EML5: variants seen among roughly 807,000 people sequenced by gnomAD.
EML5 encodes the protein echinoderm microtubule-associated protein-like 5.
A neutral mutation model predicts 250.0 loss-of-function variants in EML5; 120 were observed. The ratio of observed to expected loss-of-function variants is 0.48; its 90% confidence interval spans 0.41 to 0.56. The LOEUF is 0.56. Ranked by LOEUF, EML5 falls within the 20% of genes least tolerant of loss-of-function variation. The probability of loss-of-function intolerance (pLI) is 0.00; values close to 1 mark genes in which losing one functional copy is unlikely to be tolerated. For missense variants in EML5, 2,006 were observed against 2,437.6 expected (o/e 0.82, Z 3.73); for synonymous variants, 771 against 806.5 (o/e 0.96, Z 0.75).
chr14:88,677,562 A>C (rs532968613), intron 21 of EML5, among the ~76,000 whole-genome samples: 2 of 152,248 alleles, frequency 1.3e-5, no homozygotes, highest in Non-Finnish European at 2.9e-5. Context: ...CATCTGACAA[A>C]GGTCTAATAT....
chr14:88,740,978 T>C (rs915297485), intron 4 of EML5, among the ~76,000 whole-genome samples: 3 of 151,954 alleles, frequency 2.0e-5, no homozygotes, highest in African/African-American at 7.2e-5. Flanking sequence ...GCCTGGCCAA[T>C]ATGGCGAAGT....
rs78994869 is a variant in EML5, at chr14:88,711,819, C to T, written c.1657+452G>A. On this transcript the variant is annotated intron_variant, in intron 10 of 43. Coordinates refer to ENST00000554922, the MANE Select transcript of EML5 (RefSeq NM_183387.3). ...AATTAGCTGGGAATGGTGGCACATG[C>T]CTGTAATCCCAGTTACCTGGGAAGC... is the stretch of plus-strand genomic sequence containing the variant. 2.7e-3 allele frequency among the ~76,000 whole-genome samples: 408 copies of T among 152,172 alleles called. 4 individuals are homozygous for T. Among genetic ancestry groups the T allele is most frequent in the African/African-American group, 9.2e-3 (383 of 41,530 alleles).
At position 88,792,794 on chromosome 14, in the gene EML5, T is replaced by C; in HGVS notation, c.-291A>G. On this transcript the variant is annotated 5_prime_UTR_variant, in exon 1 of 44. Coordinates refer to ENST00000554922, the MANE Select transcript of EML5 (RefSeq NM_183387.3). This position sits in a 1 kb window ranked among gnomAD's most constrained non-coding sequence, Gnocchi z 6.9. ...CGGCTCGCCTAGTCTCCTCAGCCCG[T>C]AGCGCCTGGGCCGAGAGCGAGGGCC... 1 of 988,502 alleles carries C rather than the reference T, an allele frequency of 1.0e-6. No individual in the cohort carries two copies. Among genetic ancestry groups the C allele is most frequent in the East Asian group, 9.5e-5 (1 of 10,580 alleles). 61.2% of individuals were successfully genotyped at this position (988,502 alleles called of 1,614,324 possible).
In EML5 at chr14:88,663,108, G is replaced by A. The variant is rs2092182090; in HGVS notation, c.3421C>T (p.Gln1141Ter). 3.3e-6 allele frequency: 5 copies of A among 1,536,104 alleles called. No individual in the cohort carries two copies. Among genetic ancestry groups the A allele is most frequent in the Non-Finnish European group, 4.4e-6 (5 of 1,140,998 alleles). ...IDWDIRGKLL[Q>*]VNTGAKEQLF... ...TGTTCCTTAGCACCAGTGTTGACCT[G>A]TAAAAGCTTTCCTTCAAAAAAATTT... is the stretch of plus-strand genomic sequence containing the variant. Residue 1141 changes from glutamine to a stop codon, truncating the protein, a stop_gained, in exon 24 of 44, where the codon CAG becomes TAG. Transcript: ENST00000554922. LOFTEE classifies it high-confidence loss of function.
intron 29 of EML5, among the ~76,000 whole-genome samples, chr14:88,646,675 A>G (rs1159174708): frequency 6.6e-6 from 1 of 152,180 alleles, no homozygotes; most frequent in Non-Finnish European, 1.5e-5. Flanking sequence ...TATCATTTAT[A>G]TAAGGTATAT....
intron 1 of EML5, among the ~76,000 whole-genome samples, chr14:88,778,903 T>G (rs2094471620): frequency 6.6e-6 from 1 of 152,228 alleles, no homozygotes; most frequent in Non-Finnish European, 1.5e-5. Flanking sequence ...TTGGGCTTCT[T>G]TGTGGTTGGT....
chr14:88,792,494 G>C lies in EML5; in HGVS notation c.10C>G (p.Arg4Gly), dbSNP rs892389166. 1.4e-5 allele frequency: 20 copies of C among 1,423,502 alleles called. No individual in the cohort carries two copies. The African/African-American group carries it at 2.2e-4, about 16-fold the overall frequency. The allele number at this position is 1,423,502 out of a possible 1,614,324, so 88.2% of individuals were successfully genotyped here. A position where few individuals can be genotyped will look rare whatever the true frequency, so the allele number is the denominator to read the frequency against. Residue 4 changes from arginine to glycine, a missense_variant, in exon 1 of 44, where the codon CGG becomes GGG. Physicochemically the swap from Arg to Gly is moderately radical, Grantham distance 125 (BLOSUM62 -2). Coordinates refer to ENST00000554922, the MANE Select transcript of EML5 (RefSeq NM_183387.3). This position sits in a 1 kb window ranked among gnomAD's most constrained non-coding sequence, Gnocchi z 6.9. MAA[R>G]SAPSCHLRLE... ...CGCAGGTGGCAGCTCGGGGCGCTCC[G>C]GGCCGCCATGTCGGGGCGCCCACCC...
chr14:88,633,654 C>T (rs2090560546), intron 33 of EML5, among the ~76,000 whole-genome samples: 1 of 152,158 alleles, frequency 6.6e-6, no homozygotes. Flanking sequence ...TCATCTATAG[C>T]CTCTGTAGCT....
chr14:88,774,569 C>G (rs1595858823), intron 1 of EML5, among the ~76,000 whole-genome samples: 1 of 152,260 alleles, frequency 6.6e-6, no homozygotes, highest in Non-Finnish European at 1.5e-5. Context: ...GTGAAGCAGT[C>G]CTCATCTTAT....
intron 35 of EML5, chr14:88,626,612 G>T: frequency 1.9e-6 from 1 of 524,900 alleles, no homozygotes; most frequent in Non-Finnish European, 3.4e-6. Context: ...GTGAGATACT[G>T]TGTCAAAAAA....
At position 88,756,728 on chromosome 14, in the gene EML5, T is replaced by TA. The variant is rs1391386918; in HGVS notation, c.198-2058dup. Among the ~76,000 whole-genome samples, 7 of 152,118 alleles carry TA rather than the reference T, an allele frequency of 4.6e-5. 1 individual carries two copies. On this transcript the variant is annotated intron_variant, in intron 1 of 43. Transcript: ENST00000554922. Reference sequence around the variant, plus strand: ...AAAAATTAAAGAAAATAATCCCACTTACAGTAGCATCAAGAGGAATAAAAC... The same window carrying TA: ...AAAAATTAAAGAAAATAATCCCACTTAACAGTAGCATCAAGAGGAATAAAAC...
At chr14:88,686,264 G>A (rs2092829467) in intron 19 of EML5, among the ~76,000 whole-genome samples, 1 of 152,154 alleles carries the variant, frequency 6.6e-6, no homozygotes, top group South Asian at 2.1e-4. Flanking sequence ...AGAAGTCAGA[G>A]AGAGTGTGGT....
intron 10 of EML5, among the ~76,000 whole-genome samples, chr14:88,708,894 A>T (rs1278858760): frequency 6.6e-6 from 1 of 152,132 alleles, no homozygotes; most frequent in South Asian, 2.1e-4. Context: ...CAAATATCTC[A>T]GAGAAAAAAT....
intron 15 of EML5, 84 bp from the exon 16 acceptor site, chr14:88,695,538 C>G (rs2093058136): frequency 8.1e-7 from 1 of 1,234,840 alleles, no homozygotes; most frequent in African/African-American, 1.5e-5. Context: ...AAACCCACAT[C>G]CTATATTTAA....
chr14:88,754,745 T>TGTTTTACATCTACC, intron 1 of EML5, 74 bp from the exon 2 acceptor site: 3 of 1,215,364 alleles, frequency 2.5e-6, no homozygotes, highest in Non-Finnish European at 3.5e-6. Context: ...TTGGTAGATG[T>TGTTTTACATCTACC]AAAACACATA....
chr14:88,660,450 A>G (rs1054027889), intron 25 of EML5, among the ~76,000 whole-genome samples: 8 of 152,076 alleles, frequency 5.3e-5, no homozygotes, highest in Admixed American at 2.6e-4. Context: ...TAGAATGCCA[A>G]AGAATCTGTT....
At chr14:88,749,322 T>C (rs1156355022) in intron 2 of EML5, among the ~76,000 whole-genome samples, 2 of 152,190 alleles carry the variant, frequency 1.3e-5, no homozygotes, top group Admixed American at 6.5e-5. Context: ...AGCACAGAAT[T>C]GTATACTAAG....
intron 31 of EML5, among the ~76,000 whole-genome samples, chr14:88,641,535 T>G (rs2091066664): frequency 6.6e-6 from 1 of 152,150 alleles, no homozygotes; most frequent in Admixed American, 6.5e-5. Flanking sequence ...AATTAACGAA[T>G]GTGATTTACC....
intron 29 of EML5, among the ~76,000 whole-genome samples, chr14:88,645,119 G>A (rs917840654): frequency 3.9e-5 from 6 of 151,978 alleles, no homozygotes; most frequent in Admixed American, 2.0e-4. Flanking sequence ...TCCACCTCCC[G>A]GGTTCAAGCA....
Sources: allele counts gnomAD v4.1 joint callset (sites outside exome capture counted in the v4.1 genomes callset), GRCh38; gene constraint gnomAD v4.1.1; non-coding constraint Gnocchi (gnomAD v3.1); transcripts MANE v1.5; gene names NCBI Gene and HGNC (gene_info 2026-07-23, HGNC 2026-07-21).